Variants in BICRA observed in about 807,000 individuals in gnomAD.
The protein encoded by BICRA is BRD4-interacting chromatin-remodeling complex-associated protein.
A neutral mutation model predicts 96.9 loss-of-function variants in BICRA; 31 were observed. The observed-to-expected ratio is 0.32, with a 90% CI of 0.24 to 0.43. The LOEUF is 0.43. BICRA is among the 20% of genes least tolerant of loss of function. BICRA has a pLI of 1.00. For synonymous variants in BICRA, 1,350 were observed against 1,071.8 expected (o/e 1.26, Z -5.07); for missense variants, 2,283 against 2,190.3 (o/e 1.04, Z -0.84).
intron 1 of BICRA, among the ~76,000 whole-genome samples, chr19:47,622,104 C>T (rs998179298): frequency 1.6e-4 from 25 of 151,774 alleles, no homozygotes; most frequent in Admixed American, 1.4e-3. Flanking sequence ...GTAGCTGGGA[C>T]TACAGGCCTG....
At chr19:47,667,247 C>G (rs1226493543) in intron 1 of BICRA, among the ~76,000 whole-genome samples, 1 of 152,084 alleles carries the variant, frequency 6.6e-6, no homozygotes, top group Admixed American at 6.5e-5. Flanking sequence ...GATCTCCTGA[C>G]CTTGTGATCC....
chr19:47,620,157 G>T (rs751998918), intron 1 of BICRA, among the ~76,000 whole-genome samples: 1 of 152,102 alleles, frequency 6.6e-6, no homozygotes, highest in African/African-American at 2.4e-5. Flanking sequence ...ATTCTTTCCC[G>T]TGAGTATTTC....
chr19:47,659,137 TA>T (rs537024762), intron 1 of BICRA, among the ~76,000 whole-genome samples: 18 of 152,206 alleles, frequency 1.2e-4, no homozygotes, highest in Non-Finnish European at 1.5e-5. Context: ...AGAAGATGCA[TA>T]AAACATTTCT....
At chr19:47,619,359 G>A (rs2123508160) in intron 1 of BICRA, among the ~76,000 whole-genome samples, 1 of 151,718 alleles carries the variant, frequency 6.6e-6, no homozygotes, top group African/African-American at 2.4e-5. Flanking sequence ...CCGGGTTCAA[G>A]ACATTCTCCC....
chr19:47,667,169 C>A (rs564379101), intron 1 of BICRA, among the ~76,000 whole-genome samples: 1 of 152,256 alleles, frequency 6.6e-6, no homozygotes, highest in East Asian at 1.9e-4. Context: ...CAGGCGCCCA[C>A]CCCCACGCCG....
rs764044066 is a variant in BICRA, at chr19:47,701,304, G to T, written c.3596-24G>T. ...GGGGGTCCTCATCCTAACCCCGCGGGTTTTCTTTGCCCCGATTCTGCAGAC... is the reference window on the plus strand; with the variant it reads ...GGGGGTCCTCATCCTAACCCCGCGGTTTTTCTTTGCCCCGATTCTGCAGAC... On this transcript the variant is annotated intron_variant, in intron 14 of 14. Coordinates refer to ENST00000594866, the MANE Select transcript of BICRA (RefSeq NM_001394372.1). The surrounding 1 kb of genome is among the most constrained non-coding windows in gnomAD (Gnocchi z 5.4). 1.3e-6 allele frequency: 2 copies of T among 1,591,014 alleles called. No homozygotes were observed. The highest frequency in any genetic ancestry group is 8.6e-7 in the Non-Finnish European group (1 of 1,165,088).
At chr19:47,631,477 C>G (rs1026425134) in intron 1 of BICRA, among the ~76,000 whole-genome samples, 5 of 151,732 alleles carry the variant, frequency 3.3e-5, no homozygotes, top group African/African-American at 9.7e-5. Context: ...ATCTGCCCTC[C>G]TCAGCCTCCC....
intron 11 of BICRA, among the ~76,000 whole-genome samples, chr19:47,697,992 C>T (rs1973373620): frequency 6.6e-6 from 1 of 152,218 alleles, no homozygotes. Context: ...CAGGCGTGAG[C>T]CTCTGCTTGG....
intron 1 of BICRA, among the ~76,000 whole-genome samples, chr19:47,610,216 G>T (rs1341600093): frequency 6.6e-6 from 1 of 152,198 alleles, no homozygotes; most frequent in Non-Finnish European, 1.5e-5. Context: ...AGGGAGGAGG[G>T]ATGGAGCCAT....
intron 1 of BICRA, among the ~76,000 whole-genome samples, chr19:47,642,971 AT>A (rs1972405627): frequency 6.6e-6 from 1 of 152,178 alleles, no homozygotes; most frequent in African/African-American, 2.4e-5. Context: ...CTCATTTTAA[AT>A]TGGATCATTT....
chr19:47,662,360 T>C lies in BICRA; in HGVS notation c.-107-8083T>C, dbSNP rs1286286752. ...CTTCACCTGGCAGCTGGGCAAAGAC[T>C]GGAAGTGTGCCAGGCTCAGAATCAC... On this transcript the variant is annotated intron_variant, in intron 1 of 14. Transcript: ENST00000594866. 3 of 152,034 alleles carry C rather than the reference T, an allele frequency of 2.0e-5. No individual in the cohort carries two copies. The East Asian group carries it at 5.8e-4, about 29-fold the overall frequency. The allele number at this position is 152,034 out of a possible 1,614,324, so 9.4% of individuals were successfully genotyped here.
chr19:47,616,384 C>T (rs1264791096), intron 1 of BICRA, among the ~76,000 whole-genome samples: 3 of 152,170 alleles, frequency 2.0e-5, no homozygotes, highest in Non-Finnish European at 4.4e-5. Flanking sequence ...TGCCTGTAAT[C>T]CCAGCACTTT....
At chr19:47,691,841 G>A (rs2974186) in intron 7 of BICRA, among the ~76,000 whole-genome samples, 67,033 of 152,004 alleles carry the variant, frequency 0.44, 15,347 homozygotes, top group East Asian at 0.66. Flanking sequence ...GATTGCAAGC[G>A]TGAGCCACCG....
chr19:47,695,342 T>TCGGGCCCCCCCCCCCCCCCCCCCCCCC, intron 9 of BICRA, 23 bp from the exon 10 acceptor site: 2 of 630,142 alleles, frequency 3.2e-6, no homozygotes, highest in East Asian at 2.8e-5. Flanking sequence ...AGGCCCTGTC[T>TCGGGCCCCCCCCCCCCCCCCCCCCCCC]CCCCCACCCC....
intron 1 of BICRA, among the ~76,000 whole-genome samples, chr19:47,619,297 C>G (rs28718520): frequency 0.87 from 129,296 of 148,606 alleles, 56,392 homozygotes; most frequent in Admixed American, 0.9. Context: ...TCGCTCTGTC[C>G]CCTAGGCCGG....
intron 7 of BICRA, among the ~76,000 whole-genome samples, chr19:47,684,844 C>G (rs997821727): frequency 2.6e-5 from 4 of 152,166 alleles, no homozygotes; most frequent in Non-Finnish European, 5.9e-5. Flanking sequence ...CTTAGTGGAG[C>G]TCTCTGAGGC....
intron 1 of BICRA, among the ~76,000 whole-genome samples, 178 bp downstream of exon 1, chr19:47,609,346 C>T (rs908258211): frequency 4.7e-5 from 7 of 148,224 alleles, no homozygotes; most frequent in African/African-American, 1.7e-4. Context: ...ACACTCAGCC[C>T]CCCAGCCGGG....
Position 47,679,611 on chromosome 19 carries a change from A to T in BICRA, c.441A>T (p.Gly147=). The T allele has an allele frequency of 6.6e-7, 1 of 1,524,238 alleles. No individual in the cohort carries two copies. The highest frequency in any genetic ancestry group is 8.8e-7 in the Non-Finnish European group (1 of 1,135,474). 94.4% of individuals were successfully genotyped at this position (1,524,238 alleles called of 1,614,324 possible). ...GCGGGGCAGGCCCGACGGGCGCTGG[A>T]GGGGCAGCGGCCGTGGCTGCGGGGC... ...ADGGAGPTGA[G]GAAAVAAGPQ... Residue 147 remains glycine (G), a synonymous_variant, in exon 6 of 15, where the codon GGA becomes GGT. Transcript: ENST00000594866.
Position 47,701,376 on chromosome 19 carries a change from C to T in BICRA, c.3644C>T (p.Ser1215Phe). ...SRSLGLPIAA[S>F]SEGHRLPGHG... ...TCGCTCGGCCTCCCCATCGCAGCCT[C>T]TTCCGAGGGTCATCGGCTTCCCGGC... Residue 1215 changes from serine (S) to phenylalanine (F), a missense_variant, in exon 15 of 15, where the codon TCT becomes TTT. By Grantham distance (155) the Ser-to-Phe change is radical (BLOSUM62 -2). Transcript: ENST00000594866. The surrounding 1 kb of genome is among the most constrained non-coding windows in gnomAD (Gnocchi z 5.4). The T allele has an allele frequency of 6.2e-7, 1 of 1,611,146 alleles. No individual in the cohort carries two copies. Among genetic ancestry groups the T allele is most frequent in the Non-Finnish European group, 8.5e-7 (1 of 1,179,172 alleles).
Sources: gnomAD v4.1 joint callset for allele counts (sites outside exome capture counted in the v4.1 genomes callset) on GRCh38, gnomAD v4.1.1 for gene constraint, Gnocchi (gnomAD v3.1) non-coding constraint, MANE v1.5 for transcripts, NCBI Gene and HGNC (gene_info 2026-07-23, HGNC 2026-07-21) for gene names.